TAX1BP1: variants seen among roughly 807,000 people sequenced by gnomAD.
TAX1BP1 encodes Tax1 binding protein 1.
A neutral mutation model predicts 97.7 loss-of-function variants in TAX1BP1; 62 were observed. The observed-to-expected ratio is 0.63, with a 90% CI of 0.52 to 0.78. The LOEUF is 0.78. TAX1BP1 is among the 30% of genes least tolerant of loss of function. The probability of loss-of-function intolerance (pLI) is 0.00; values close to 1 mark genes in which losing one functional copy is unlikely to be tolerated. For synonymous variants in TAX1BP1, 340 were observed against 304.2 expected (o/e 1.12, Z -1.23); for missense variants, 867 against 916.1 (o/e 0.95, Z 0.69).
chr7:27,796,664 C>T (rs1250431278), intron 12 of TAX1BP1, among the ~76,000 whole-genome samples: 1 of 152,052 alleles, frequency 6.6e-6, no homozygotes, highest in Non-Finnish European at 1.5e-5. Context: ...GAGTTCGAGA[C>T]CAGTCTGGCC....
At chr7:27,791,427 A>C (rs1562724338) in intron 8 of TAX1BP1, among the ~76,000 whole-genome samples, 1 of 152,226 alleles carries the variant, frequency 6.6e-6, no homozygotes, top group Non-Finnish European at 1.5e-5. Context: ...AGGTTTGTCA[A>C]GCAGTATGAA....
At chr7:27,744,266 C>A (rs1024603490) in intron 1 of TAX1BP1, among the ~76,000 whole-genome samples, 3 of 152,318 alleles carry the variant, frequency 2.0e-5, no homozygotes, top group East Asian at 3.9e-4. Context: ...GCTGGGACTA[C>A]AGGCGCCTGC....
At chr7:27,765,675 A>G (rs1013160630) in intron 3 of TAX1BP1, among the ~76,000 whole-genome samples, 159 bp from the exon 4 acceptor site, 3 of 152,236 alleles carry the variant, frequency 2.0e-5, no homozygotes, top group Admixed American at 2.0e-4. Context: ...GTAGGAAGGA[A>G]GAATCTAGTT....
At chr7:27,793,708 G>A (rs147541175) in intron 10 of TAX1BP1, among the ~76,000 whole-genome samples, 300 of 152,270 alleles carry the variant, frequency 2.0e-3, no homozygotes, top group Non-Finnish European at 3.5e-3. Context: ...TAGGTAGGTA[G>A]ATTTGTAATA....
chr7:27,797,063 T>C (rs1276047775), intron 12 of TAX1BP1, among the ~76,000 whole-genome samples: 1 of 151,646 alleles, frequency 6.6e-6, no homozygotes, highest in Non-Finnish European at 1.5e-5. Flanking sequence ...AGTGGCGTGA[T>C]CTCAGCTCAC....
intron 13 of TAX1BP1, among the ~76,000 whole-genome samples, chr7:27,812,279 C>T (rs1188151349): frequency 6.6e-6 from 1 of 152,178 alleles, no homozygotes; most frequent in Non-Finnish European, 1.5e-5. Flanking sequence ...CATGTGCTTG[C>T]AGGCCATTTG....
chr7:27,797,236 A>G (rs1179446511), intron 12 of TAX1BP1, among the ~76,000 whole-genome samples: 1 of 151,910 alleles, frequency 6.6e-6, no homozygotes, highest in Non-Finnish European at 1.5e-5. Context: ...TGACCTCGTG[A>G]TCCACTCGCC....
rs115789600 is a variant in TAX1BP1 at position 27,804,373 on chromosome 7, C to A, written c.1764+4283C>A. 5.6e-3 allele frequency among the ~76,000 whole-genome samples: 846 copies of A among 152,340 alleles called. 10 individuals carry two copies. Among genetic ancestry groups the A allele is most frequent in the African/African-American group, 0.019 (794 of 41,588 alleles). ...TCCACATTTGTCCTTTGGCATTCTA[C>A]TATAAGGACGAACCTTCCTTTGTCC... On this transcript the variant is annotated intron_variant, in intron 13 of 16. Coordinates refer to ENST00000396319, the MANE Select transcript of TAX1BP1 (RefSeq NM_006024.7).
chr7:27,744,856 A>G (rs1787761229), intron 1 of TAX1BP1, among the ~76,000 whole-genome samples: 1 of 152,208 alleles, frequency 6.6e-6, no homozygotes, highest in Admixed American at 6.5e-5. Context: ...ACATTAATGC[A>G]TTCGCAAAAT....
At chr7:27,755,977 A>G (rs1788196006) in intron 2 of TAX1BP1, among the ~76,000 whole-genome samples, 1 of 152,124 alleles carries the variant, frequency 6.6e-6, no homozygotes, top group South Asian at 2.1e-4. Context: ...ACACTTGGTA[A>G]TGGTGGACTA....
Position 27,785,290 on chromosome 7 carries a change from A to G in TAX1BP1, c.740A>G (p.Glu247Gly), listed in dbSNP as rs1307307112. The G allele has an allele frequency of 2.5e-6, 4 of 1,609,428 alleles. No individual in the cohort carries two copies. The East Asian group carries it at 8.9e-5, about 36-fold the overall frequency. The change falls in exon 6 of 17, where the codon GAA becomes GGA. Residue 247 changes from glutamate to glycine, a missense_variant. Transcript: ENST00000396319. ...DIVSVTHKAI[E>G]KETELDSLKD... ...GTGTCAGTAACACATAAAGCAATTG[A>G]AAAAGAAACCGAATTAGACAGGTAT...
chr7:27,773,096 C>T (rs1445923752), intron 5 of TAX1BP1, among the ~76,000 whole-genome samples: 2 of 151,988 alleles, frequency 1.3e-5, no homozygotes, highest in Non-Finnish European at 2.9e-5. Flanking sequence ...CTAACTTCGT[C>T]CTGTGAAGTA....
In TAX1BP1 at chr7:27,758,131, A is replaced by C; in HGVS notation, c.263A>C (p.Gln88Pro). ...GSTVNCVLAF[Q>P]GYYLPNDDGE... is the part of the protein sequence containing the mutation. ...ACAGTCAATTGTGTACTAGCATTCC[A>C]AGGTAAGGACTGAAAACTGCAGAAC... Residue 88 changes from glutamine to proline, a missense_variant and splice_region_variant, in exon 3 of 17, where the codon CAA becomes CCA. Transcript: ENST00000396319. The C allele has an allele frequency of 1.2e-6, 2 of 1,607,364 alleles. No individual in the cohort carries two copies. Among genetic ancestry groups the C allele is most frequent in the Non-Finnish European group, 1.7e-6 (2 of 1,176,648 alleles).
chr7:27,796,245 A>G (rs79462961), intron 12 of TAX1BP1, 26 bp downstream of exon 12: 17,858 of 1,481,806 alleles, frequency 0.012, 132 homozygotes, highest in Non-Finnish European at 0.014. Flanking sequence ...TGTAAGTGAA[A>G]GAGATTTATA....
intron 13 of TAX1BP1, among the ~76,000 whole-genome samples, chr7:27,815,406 C>CT (rs1790728483): frequency 1.3e-5 from 2 of 152,134 alleles, no homozygotes; most frequent in South Asian, 4.1e-4. Flanking sequence ...TCTTTTTCCC[C>CT]TTTATTAAAA....
At chr7:27,820,238 C>T (rs529764397) in intron 15 of TAX1BP1, among the ~76,000 whole-genome samples, 9 of 152,196 alleles carry the variant, frequency 5.9e-5, no homozygotes, top group South Asian at 2.1e-4. Context: ...CTATCAAAGA[C>T]GAAAGCCCAC....
intron 15 of TAX1BP1, among the ~76,000 whole-genome samples, chr7:27,820,461 G>GT (rs1790933393): frequency 6.6e-6 from 1 of 152,058 alleles, no homozygotes. Context: ...ATGTTGCACT[G>GT]TTTGAGTTTT....
intron 3 of TAX1BP1, among the ~76,000 whole-genome samples, chr7:27,760,119 G>T (rs1364316505): frequency 6.6e-6 from 1 of 151,974 alleles, no homozygotes. Flanking sequence ...CTCCCAAAGT[G>T]CTGGGATTAC....
At chr7:27,779,658 T>A (rs1225753949) in intron 5 of TAX1BP1, among the ~76,000 whole-genome samples, 8 of 152,180 alleles carry the variant, frequency 5.3e-5, no homozygotes, top group African/African-American at 1.9e-4. Context: ...AATAATGAAT[T>A]AGAGTGAAGA....
Sources: allele counts gnomAD v4.1 joint callset (sites outside exome capture counted in the v4.1 genomes callset), GRCh38; gene constraint gnomAD v4.1.1; transcripts MANE v1.5; gene names NCBI Gene and HGNC (gene_info 2026-07-23, HGNC 2026-07-21).